Variants in E2F3 observed in about 807,000 individuals in gnomAD.
E2F3 encodes the protein transcription factor E2F3.
In E2F3, 11 loss-of-function variants were observed where a neutral mutation model predicts 44.4. That is an observed-to-expected ratio of 0.25 (90% confidence interval 0.16 to 0.41). The LOEUF is 0.41. E2F3 is among the 10% of genes least tolerant of loss of function. E2F3 has a pLI of 1.00. For synonymous variants in E2F3, 249 were observed against 253.0 expected (o/e 0.98, Z 0.15); for missense variants, 487 against 583.6 (o/e 0.83, Z 1.70).
chr6:20,432,846 A>G (rs9465742), intron 1 of E2F3, among the ~76,000 whole-genome samples: 138,454 of 152,232 alleles, frequency 0.91, 63,070 homozygotes, highest in Admixed American at 0.94. Flanking sequence ...GGGCTGCACC[A>G]AGCTGCTTCC....
chr6:20,403,699 C>T (rs1027668353), intron 1 of E2F3: 1 of 639,890 alleles, frequency 1.6e-6, no homozygotes, highest in East Asian at 3.4e-5. Flanking sequence ...TCCCTCTCCT[C>T]TCCCCACCCC....
chr6:20,410,695 C>A (rs946438491), intron 1 of E2F3, among the ~76,000 whole-genome samples: 1 of 152,108 alleles, frequency 6.6e-6, no homozygotes, highest in Non-Finnish European at 1.5e-5. Flanking sequence ...CTTGGCTCAC[C>A]GCAACCTCTG....
At chr6:20,462,266 T>C (rs1026454107) in intron 1 of E2F3, among the ~76,000 whole-genome samples, 2 of 152,180 alleles carry the variant, frequency 1.3e-5, no homozygotes, top group Non-Finnish European at 2.9e-5. Flanking sequence ...TTGAGTTTTG[T>C]ATGTAGTTTG....
chr6:20,472,025 AACACACACACAC>A (rs57925127), intron 1 of E2F3, among the ~76,000 whole-genome samples: 117 of 138,442 alleles, frequency 8.5e-4, no homozygotes, highest in Admixed American at 2.6e-3. Flanking sequence ...CCCCCCCTCC[AACACACACACAC>A]ACACACACAC....
At chr6:20,418,308 C>A (rs1020814007) in intron 1 of E2F3, among the ~76,000 whole-genome samples, 13 of 152,210 alleles carry the variant, frequency 8.5e-5, no homozygotes, top group African/African-American at 2.9e-4. Flanking sequence ...TCACATTCGA[C>A]AGTAACAAGT....
chr6:20,455,148 A>G (rs1333791820), intron 1 of E2F3, among the ~76,000 whole-genome samples: 1 of 152,242 alleles, frequency 6.6e-6, no homozygotes, highest in Non-Finnish European at 1.5e-5. Flanking sequence ...TACAATCAGA[A>G]TAAGAAATGC....
In E2F3 at chr6:20,402,895, C is replaced by G. The variant is rs936966586; in HGVS notation, c.393+270C>G. 1.8e-4 allele frequency among the ~76,000 whole-genome samples: 27 copies of G among 152,168 alleles called. No individual in the cohort carries two copies. The highest frequency in any genetic ancestry group is 3.4e-4 in the African/African-American group (14 of 41,446). On this transcript the variant is annotated intron_variant, in intron 1 of 6. Coordinates refer to ENST00000346618, the MANE Select transcript of E2F3 (RefSeq NM_001949.5). The surrounding 1 kb of genome is among the most constrained non-coding windows in gnomAD (Gnocchi z 5.6). ...CACTCCAAAACTTTTCGCGGCCCCC[C>G]CTTCTTTTCCTGCACTTTTCCCTAC...
intron 1 of E2F3, among the ~76,000 whole-genome samples, chr6:20,418,241 G>A (rs1357553359): frequency 1.3e-5 from 2 of 152,192 alleles, no homozygotes; most frequent in Non-Finnish European, 2.9e-5. Context: ...ATAGAGCAGC[G>A]CTGTCCATAT....
intron 1 of E2F3, among the ~76,000 whole-genome samples, chr6:20,409,303 T>G (rs898897110): frequency 5.9e-5 from 9 of 152,232 alleles, no homozygotes; most frequent in African/African-American, 2.2e-4. Context: ...CTACTTTGGA[T>G]GTTAAATGAA....
chr6:20,408,616 C>T, intron 1 of E2F3, among the ~76,000 whole-genome samples: 1 of 152,170 alleles, frequency 6.6e-6, no homozygotes, highest in Non-Finnish European at 1.5e-5. Flanking sequence ...CACTGGTTGC[C>T]AGATTGTATC....
intron 1 of E2F3, among the ~76,000 whole-genome samples, chr6:20,411,326 A>G (rs1049071903): frequency 2.0e-5 from 3 of 152,142 alleles, no homozygotes; most frequent in African/African-American, 7.2e-5. Context: ...GTGTGTGTAT[A>G]TCAAGGCAGG....
intron 1 of E2F3, among the ~76,000 whole-genome samples, chr6:20,438,302 G>A (rs1465249213): frequency 1.3e-5 from 2 of 152,062 alleles, no homozygotes; most frequent in Non-Finnish European, 2.9e-5. Context: ...AGACATACTT[G>A]TTTCAAATTT....
At position 20,436,452 on chromosome 6, in the gene E2F3, AACACAC is replaced by A. The variant is rs765678025; in HGVS notation, c.393+33849_393+33854del. On this transcript the variant is annotated intron_variant, in intron 1 of 6. Coordinates refer to ENST00000346618, the MANE Select transcript of E2F3 (RefSeq NM_001949.5). ...ACTAACAATAGCTGATGAGCTAGGAAACACACACACACACACACACACACACAGAGA... is the reference window on the plus strand; with the variant it reads ...ACTAACAATAGCTGATGAGCTAGGAAACACACACACACACACACACAGAGA... Among the ~76,000 whole-genome samples, 539 of 146,330 alleles carry A rather than the reference AACACAC, an allele frequency of 3.7e-3. 1 individual carries two copies. The highest frequency in any genetic ancestry group is 0.03 in the South Asian group (133 of 4,422).
At chr6:20,427,897 G>A (rs1435256480) in intron 1 of E2F3, among the ~76,000 whole-genome samples, 1 of 152,198 alleles carries the variant, frequency 6.6e-6, no homozygotes, top group Non-Finnish European at 1.5e-5. Flanking sequence ...GTTAGGGTTT[G>A]GTTCTTCTGG....
chr6:20,479,618 T>A (rs952679167), intron 1 of E2F3, among the ~76,000 whole-genome samples: 1 of 152,234 alleles, frequency 6.6e-6, no homozygotes, highest in African/African-American at 2.4e-5. Context: ...TGTTTGTCCA[T>A]CTGGGTGTGG....
chr6:20,471,736 A>G (rs1448284655), intron 1 of E2F3, among the ~76,000 whole-genome samples: 1 of 152,232 alleles, frequency 6.6e-6, no homozygotes, highest in Non-Finnish European at 1.5e-5. Context: ...GTAATAATGT[A>G]TATGTAGACA....
At chr6:20,422,476 C>G (rs182501200) in intron 1 of E2F3, among the ~76,000 whole-genome samples, 34 of 152,342 alleles carry the variant, frequency 2.2e-4, no homozygotes, top group African/African-American at 8.2e-4. Context: ...AAGACCTTTC[C>G]CTTCACATTC....
At chr6:20,408,915 T>TAA (rs1323693487) in intron 1 of E2F3, among the ~76,000 whole-genome samples, 1 of 152,216 alleles carries the variant, frequency 6.6e-6, no homozygotes, top group Non-Finnish European at 1.5e-5. Flanking sequence ...ATAGTTGGCA[T>TAA]TTACACTGGT....
intron 1 of E2F3, among the ~76,000 whole-genome samples, chr6:20,444,039 AG>A (rs2127597525): frequency 6.6e-6 from 1 of 152,058 alleles, no homozygotes; most frequent in African/African-American, 2.4e-5. Context: ...TAGTGAAACC[AG>A]GTCTCTACAA....
Sources: allele counts gnomAD v4.1 joint callset (sites outside exome capture counted in the v4.1 genomes callset), GRCh38; gene constraint gnomAD v4.1.1; non-coding constraint Gnocchi (gnomAD v3.1); transcripts MANE v1.5; gene names NCBI Gene and HGNC (gene_info 2026-07-23, HGNC 2026-07-21).